Variants in BMPR1A observed in about 807,000 individuals in gnomAD.
BMPR1A encodes bone morphogenetic protein receptor type-1A.
Under a neutral mutation model 66.0 loss-of-function variants are expected in BMPR1A, and 7 were observed. The ratio of observed to expected loss-of-function variants is 0.11; its 90% CI spans 0.06 to 0.20. The LOEUF (loss-of-function observed/expected upper bound fraction) is 0.20, where lower values mean the gene tolerates loss of function less well. BMPR1A is among the 10% of genes least tolerant of loss of function. The probability of loss-of-function intolerance (pLI) is 1.00; values close to 1 mark genes in which losing one functional copy is unlikely to be tolerated. For missense variants in BMPR1A, 408 were observed against 669.1 expected, an observed-to-expected ratio of 0.61 and a Z score of 4.31; for synonymous variants, 200 against 229.7, an observed-to-expected ratio of 0.87 and a Z score of 1.17.
downstream of BMPR1A, chr10:86,928,227 T>TA (rs1419161687): frequency 6.6e-6 from 1 of 150,420 alleles, no homozygotes; most frequent in East Asian, 1.9e-4. Flanking sequence ...TTCCTTTTTT[T>TA]TTTTTTTTTT....
intron 2 of BMPR1A, among the ~76,000 whole-genome samples, chr10:86,874,574 T>A (rs1418018750): frequency 2.0e-5 from 3 of 150,576 alleles, no homozygotes; most frequent in Non-Finnish European, 3.0e-5. Context: ...CCTGGCTAAT[T>A]TTTTTTGTAT....
At chr10:86,854,795 G>A (rs190937826) in intron 2 of BMPR1A, 1 of 247,496 alleles carries the variant, frequency 4.0e-6, no homozygotes, top group African/African-American at 2.3e-5. Flanking sequence ...CTTTTTCCAA[G>A]TTCTCATCAG....
chr10:86,799,281 T>G (rs1406111489), intron 1 of BMPR1A, among the ~76,000 whole-genome samples: 1 of 152,204 alleles, frequency 6.6e-6, no homozygotes, highest in Non-Finnish European at 1.5e-5. Flanking sequence ...GAGAAATTTG[T>G]GAACTATTAC....
intron 1 of BMPR1A, among the ~76,000 whole-genome samples, chr10:86,780,075 C>T (rs1237598593): frequency 6.6e-6 from 1 of 151,928 alleles, no homozygotes; most frequent in Non-Finnish European, 1.5e-5. Context: ...TAGCACCTGG[C>T]CTATTTCATT....
chr10:86,772,918 T>A (rs887439660), intron 1 of BMPR1A, among the ~76,000 whole-genome samples: 1 of 152,182 alleles, frequency 6.6e-6, no homozygotes, highest in African/African-American at 2.4e-5. Flanking sequence ...AAAGGTAACA[T>A]CTATAAACAT....
At chr10:86,889,980 C>A in intron 3 of BMPR1A, 82 bp from the exon 4 acceptor site, 1 of 1,477,664 alleles carries the variant, frequency 6.8e-7, no homozygotes, top group Non-Finnish European at 9.4e-7. Context: ...GAAAGCTTAA[C>A]AACTTTTTCT....
intron 2 of BMPR1A, among the ~76,000 whole-genome samples, chr10:86,845,758 G>A (rs550807500): frequency 6.6e-6 from 1 of 152,304 alleles, no homozygotes; most frequent in Non-Finnish European, 1.5e-5. Flanking sequence ...AGCACTTTGG[G>A]AGGCTGAGGC....
At position 86,900,051 on chromosome 10, in the gene BMPR1A, G is replaced by C; in HGVS notation, c.455G>C (p.Arg152Pro). The C allele has an allele frequency of 6.2e-7, 1 of 1,614,086 alleles. No individual in the cohort carries two copies. Among genetic ancestry groups the C allele is most frequent in the Non-Finnish European group, 8.5e-7 (1 of 1,180,032 alleles). Residue 152 changes from arginine (R) to proline (P), a missense_variant, in exon 7 of 13, where the codon CGA becomes CCA. Coordinates refer to ENST00000372037, the MANE Select transcript of BMPR1A (RefSeq NM_004329.3). ...VIGPFFDGSI[R>P]WLVLLISMAV... ...GGTCCGTTTTTTGATGGCAGCATTC[G>C]ATGGCTGGTTTTGCTCATTTCTATG...
At chr10:86,859,484 C>A (rs1255103944) in intron 2 of BMPR1A, among the ~76,000 whole-genome samples, 1 of 151,912 alleles carries the variant, frequency 6.6e-6, no homozygotes, top group African/African-American at 2.4e-5. Context: ...ACTGTATTTT[C>A]AGCCCATGTT....
rs372201086 is a variant in BMPR1A, at chr10:86,873,419, G to A, written c.-152-2448G>A. ...CCCAGGCAACATAGCGAGACCCACC[G>A]CCCCCACCCCTATTAAATTAAAAAA... On this transcript the variant is annotated intron_variant, in intron 2 of 12. Transcript: ENST00000372037. Among the ~76,000 whole-genome samples the A allele has an allele frequency of 1.3e-4, 19 of 148,362 alleles. No individual in the cohort carries two copies. The East Asian group carries it at 3.5e-3, about 27-fold the overall frequency.
chr10:86,870,836 A>G (rs1842845863), intron 2 of BMPR1A, among the ~76,000 whole-genome samples: 1 of 151,316 alleles, frequency 6.6e-6, no homozygotes, highest in Non-Finnish European at 1.5e-5. Flanking sequence ...CTTAACCACC[A>G]TTGTCATTCT....
intron 1 of BMPR1A, among the ~76,000 whole-genome samples, chr10:86,766,165 T>G (rs1362111552): frequency 2.0e-5 from 3 of 151,936 alleles, no homozygotes; most frequent in African/African-American, 4.8e-5. Flanking sequence ...TAAAAAATTT[T>G]TGTGTGTGTG....
intron 1 of BMPR1A, among the ~76,000 whole-genome samples, chr10:86,789,096 A>G (rs552219333): frequency 1.3e-5 from 2 of 152,334 alleles, no homozygotes; most frequent in East Asian, 3.9e-4. Flanking sequence ...TTCAGTTGCA[A>G]AAGAATGCAA....
rs78312984 is a variant in BMPR1A at position 86,784,922 on chromosome 10, A to G, written c.-268+28003A>G. ...TCTTAAATCTGGCTAAGGATTTGTC[A>G]ATTTTATTGATCTTATTTAAGATCT... On this transcript the variant is annotated intron_variant, in intron 1 of 12. Transcript: ENST00000372037. Among the ~76,000 whole-genome samples the G allele has an allele frequency of 2.6e-3, 401 of 151,770 alleles. 4 individuals carry two copies. The highest frequency in any genetic ancestry group is 0.014 in the Middle Eastern group (4 of 292).
chr10:86,814,739 A>G (rs1280302496), intron 1 of BMPR1A, among the ~76,000 whole-genome samples: 2 of 150,714 alleles, frequency 1.3e-5, no homozygotes, highest in Admixed American at 1.3e-4. Context: ...GTCTGTAAGG[A>G]GGATGTTGTT....
chr10:86,880,625 A>C (rs773035347), intron 3 of BMPR1A, among the ~76,000 whole-genome samples: 1 of 152,216 alleles, frequency 6.6e-6, no homozygotes, highest in Non-Finnish European at 1.5e-5. Flanking sequence ...CTGCTTTCTT[A>C]GCCATATATT....
chr10:86,766,290 C>G (rs944814123), intron 1 of BMPR1A, among the ~76,000 whole-genome samples: 4 of 152,108 alleles, frequency 2.6e-5, no homozygotes, highest in African/African-American at 9.7e-5. Context: ...TTGTGCGCAG[C>G]CTTAATCATC....
intron 1 of BMPR1A, among the ~76,000 whole-genome samples, chr10:86,830,997 C>T (rs1406329856): frequency 6.6e-6 from 1 of 152,190 alleles, no homozygotes. Context: ...TGTCTGGCTT[C>T]TTTCACTTAG....
chr10:86,899,384 G>A (rs776851168), intron 5 of BMPR1A, among the ~76,000 whole-genome samples: 1 of 152,234 alleles, frequency 6.6e-6, no homozygotes, highest in Non-Finnish European at 1.5e-5. Context: ...GCTGGGGTAG[G>A]CAGGGTCTGC....
Sources: allele counts gnomAD v4.1 joint callset (sites outside exome capture counted in the v4.1 genomes callset), GRCh38; gene constraint gnomAD v4.1.1; transcripts MANE v1.5; gene names NCBI Gene and HGNC (gene_info 2026-07-23, HGNC 2026-07-21).